Variants in DEUP1 observed in about 807,000 individuals in gnomAD.
The protein encoded by DEUP1 is deuterosome assembly protein 1, also known as coiled-coil domain containing 67.
DEUP1 carries 82 observed loss-of-function variants against 87.4 expected under a neutral mutation model. The ratio of observed to expected loss-of-function variants is 0.94; its 90% CI spans 0.78 to 1.13. DEUP1 has a LOEUF of 1.13. DEUP1 is among the 50% of genes most tolerant of loss of function. The pLI is 0.00. For synonymous variants in DEUP1, 214 were observed against 222.7 expected, an observed-to-expected ratio of 0.96 and a Z score of 0.35; for missense variants, 663 against 681.5, an observed-to-expected ratio of 0.97 and a Z score of 0.30.
intron 8 of DEUP1, among the ~76,000 whole-genome samples, chr11:93,387,769 T>G (rs1369817205): frequency 2.0e-5 from 3 of 152,086 alleles, no homozygotes; most frequent in African/African-American, 7.2e-5. Context: ...AATGAAAACT[T>G]AAGACTGATC....
intron 2 of DEUP1, among the ~76,000 whole-genome samples, chr11:93,333,707 A>G (rs79428505): frequency 0.011 from 1,734 of 152,338 alleles, 22 homozygotes; most frequent in South Asian, 0.076. Flanking sequence ...AGCTCATCCT[A>G]GAATATACAC....
rs1213553995 is a variant in DEUP1 at position 93,373,636 on chromosome 11, T to C, written c.789+2356T>C. The stretch of plus-strand genomic sequence containing the variant: ...ATGTATATATATACGTATATATATA[T>C]ATATATATATATATACGTATATATA... On this transcript the variant is annotated intron_variant, in intron 7 of 13. Transcript: ENST00000298050. Among the ~76,000 whole-genome samples the C allele has an allele frequency of 4.1e-3, 608 of 146,814 alleles. 2 individuals carry two copies. The highest frequency in any genetic ancestry group is 6.4e-3 in the Non-Finnish European group (432 of 67,022).
At chr11:93,351,348 A>C (rs1467120402) in intron 2 of DEUP1, among the ~76,000 whole-genome samples, 3 of 152,186 alleles carry the variant, frequency 2.0e-5, no homozygotes, top group Admixed American at 2.0e-4. Context: ...AAAAGTTAGC[A>C]ATTAAAAGAA....
chr11:93,372,078 G>GC (rs1244645685), intron 7 of DEUP1, among the ~76,000 whole-genome samples: 3 of 151,284 alleles, frequency 2.0e-5, no homozygotes, highest in African/African-American at 7.3e-5. Context: ...ACAGGCGCCC[G>GC]CCACTACGCC....
chr11:93,367,005 A>G (rs1313564096), intron 5 of DEUP1, among the ~76,000 whole-genome samples: 1 of 152,156 alleles, frequency 6.6e-6, no homozygotes, highest in East Asian at 1.9e-4. Context: ...CATTATTGCT[A>G]AAGACCCTGT....
intron 4 of DEUP1, among the ~76,000 whole-genome samples, chr11:93,357,644 T>C (rs1267881362): frequency 6.6e-6 from 1 of 152,172 alleles, no homozygotes; most frequent in Non-Finnish European, 1.5e-5. Context: ...ATGTCAAATG[T>C]AGTAGATGCT....
Position 93,364,301 on chromosome 11 carries a change from T to G in DEUP1, c.432+7T>G. The G allele has an allele frequency of 2.5e-6, 4 of 1,604,230 alleles. No individual in the cohort carries two copies. The highest frequency in any genetic ancestry group is 3.4e-6 in the Non-Finnish European group (4 of 1,172,508). On this transcript the variant is annotated splice_region_variant and intron_variant, in intron 5 of 13. Coordinates refer to ENST00000298050, the MANE Select transcript of DEUP1 (RefSeq NM_181645.4). ...TTTGAACCAGAAATTAGAGGTGAGATATATTATCTTAGTTTCTTCATGTGT... is the reference window on the plus strand; with the variant it reads ...TTTGAACCAGAAATTAGAGGTGAGAGATATTATCTTAGTTTCTTCATGTGT...
At chr11:93,435,921 G>A (rs898390517) in intron 13 of DEUP1, among the ~76,000 whole-genome samples, 12 of 151,818 alleles carry the variant, frequency 7.9e-5, no homozygotes, top group South Asian at 4.2e-4. Context: ...GCGTGAACCC[G>A]GGAGGTGGAG....
chr11:93,339,594 G>T (rs1247313957), intron 2 of DEUP1, among the ~76,000 whole-genome samples: 1 of 152,166 alleles, frequency 6.6e-6, no homozygotes, highest in Non-Finnish European at 1.5e-5. Flanking sequence ...CATAATTGGT[G>T]CAATGGCCCA....
chr11:93,406,456 T>G (rs1256451544), intron 11 of DEUP1, among the ~76,000 whole-genome samples: 1 of 149,796 alleles, frequency 6.7e-6, no homozygotes, highest in Non-Finnish European at 1.5e-5. Flanking sequence ...TTTCTCATTT[T>G]GTACAAAATT....
At chr11:93,405,062 T>TTAA (rs1555056980) in intron 11 of DEUP1, among the ~76,000 whole-genome samples, 1 of 151,542 alleles carries the variant, frequency 6.6e-6, no homozygotes, top group Non-Finnish European at 1.5e-5. Flanking sequence ...CAACATTGGA[T>TTAA]AAAAAAAATC....
At chr11:93,343,690 A>T (rs191721138) in intron 2 of DEUP1, among the ~76,000 whole-genome samples, 2 of 152,378 alleles carry the variant, frequency 1.3e-5, no homozygotes, top group Non-Finnish European at 1.5e-5. Context: ...GAACATAAAA[A>T]AATGCAGCTT....
chr11:93,382,026 A>G (rs1183618135), intron 7 of DEUP1, among the ~76,000 whole-genome samples: 1 of 152,160 alleles, frequency 6.6e-6, no homozygotes, highest in Non-Finnish European at 1.5e-5. Flanking sequence ...GATCCCATAC[A>G]ATTTTACAGT....
At chr11:93,398,481 C>T (rs1947009931) in intron 11 of DEUP1, among the ~76,000 whole-genome samples, 1 of 152,080 alleles carries the variant, frequency 6.6e-6, no homozygotes, top group African/African-American at 2.4e-5. Flanking sequence ...AATCATATGT[C>T]TACCATCTTT....
At chr11:93,415,802 T>A (rs997337568) in intron 13 of DEUP1, among the ~76,000 whole-genome samples, 1 of 152,138 alleles carries the variant, frequency 6.6e-6, no homozygotes, top group Non-Finnish European at 1.5e-5. Flanking sequence ...CATATTGTTT[T>A]ATACAGCTGT....
chr11:93,344,005 A>G (rs1944204789), intron 2 of DEUP1, among the ~76,000 whole-genome samples: 1 of 152,204 alleles, frequency 6.6e-6, no homozygotes, highest in Non-Finnish European at 1.5e-5. Flanking sequence ...GATGACAGTA[A>G]CATTTTTTGG....
chr11:93,336,258 G>A (rs1432222308), intron 2 of DEUP1, among the ~76,000 whole-genome samples: 2 of 152,098 alleles, frequency 1.3e-5, no homozygotes, highest in Non-Finnish European at 2.9e-5. Flanking sequence ...GAGAGAAGGG[G>A]GGAGTTGCAT....
chr11:93,402,618 G>T (rs1591231083), intron 11 of DEUP1, among the ~76,000 whole-genome samples: 1 of 151,874 alleles, frequency 6.6e-6, no homozygotes, highest in Non-Finnish European at 1.5e-5. Flanking sequence ...GTGCTTATCA[G>T]TGGACGAATG....
chr11:93,431,146 T>C (rs1328622340), intron 13 of DEUP1, among the ~76,000 whole-genome samples: 1 of 147,200 alleles, frequency 6.8e-6, no homozygotes, highest in Non-Finnish European at 1.5e-5. Flanking sequence ...TAGTGATAAA[T>C]GCTGTGATGA....
Sources: gnomAD v4.1 joint callset for allele counts (sites outside exome capture counted in the v4.1 genomes callset) on GRCh38, gnomAD v4.1.1 for gene constraint, MANE v1.5 for transcripts, NCBI Gene and HGNC (gene_info 2026-07-23, HGNC 2026-07-21) for gene names.